Variants in LAMTOR5 observed in about 807,000 individuals in gnomAD.
LAMTOR5 encodes the protein late endosomal/lysosomal adaptor, MAPK and MTOR activator 5.
Under a neutral mutation model 12.1 loss-of-function variants are expected in LAMTOR5, and 8 were observed. The ratio of observed to expected loss-of-function variants is 0.66; its 90% CI spans 0.39 to 1.19. The LOEUF (loss-of-function observed/expected upper bound fraction) is 1.19. Among genes scored for constraint, LAMTOR5 ranks in the 50% most tolerant of loss-of-function variants. LAMTOR5 has a pLI of 0.01. For synonymous variants in LAMTOR5, 37 were observed against 41.9 expected, an observed-to-expected ratio of 0.88 and a Z score of 0.45; for missense variants, 110 against 112.8, an observed-to-expected ratio of 0.97 and a Z score of 0.11.
intron 1 of LAMTOR5, 127 bp downstream of exon 1, chr1:110,407,459 C>T (rs1663357518): frequency 2.4e-6 from 3 of 1,226,206 alleles, no homozygotes; most frequent in Non-Finnish European, 3.4e-6. Context: ...CCCCCTCATC[C>T]CGTGTCCCGG....
At chr1:110,407,494 C>G in intron 1 of LAMTOR5, 92 bp downstream of exon 1, 2 of 1,478,968 alleles carry the variant, frequency 1.4e-6, no homozygotes, top group Non-Finnish European at 1.8e-6. Context: ...CCCCGAGACG[C>G]CCTGGCCGGT....
chr1:110,402,977 A>G (rs1663257653), intron 3 of LAMTOR5, among the ~76,000 whole-genome samples: 1 of 152,160 alleles, frequency 6.6e-6, no homozygotes, highest in Non-Finnish European at 1.5e-5. Flanking sequence ...ATTTCCCTAT[A>G]CCATACTTTT....
chr1:110,401,719 A>G (rs1265942358), intron 3 of LAMTOR5, 136 bp from the exon 4 acceptor site: 3 of 916,916 alleles, frequency 3.3e-6, no homozygotes, highest in Non-Finnish European at 4.9e-6. Context: ...ATATTTAAAC[A>G]TAACAAAACA....
At chr1:110,403,779 T>C in intron 3 of LAMTOR5, 140 bp downstream of exon 3, 2 of 1,343,240 alleles carry the variant, frequency 1.5e-6, no homozygotes, top group South Asian at 3.1e-5. Context: ...AACTTGTCTG[T>C]TCCTGTGATT....
chr1:110,403,857 C>A, intron 3 of LAMTOR5, 62 bp downstream of exon 3: 1 of 1,598,486 alleles, frequency 6.3e-7, no homozygotes, highest in Non-Finnish European at 8.5e-7. Context: ...GGGCCGGCCC[C>A]CGCCAATTTT....
intron 3 of LAMTOR5, among the ~76,000 whole-genome samples, chr1:110,401,920 G>C (rs1398987311): frequency 6.6e-6 from 1 of 151,816 alleles, no homozygotes. Context: ...TCAGTAGCTG[G>C]AACTACAAAA....
intron 3 of LAMTOR5, 33 bp downstream of exon 3, chr1:110,403,886 C>T (rs759882046): frequency 1.2e-6 from 2 of 1,607,120 alleles, no homozygotes; most frequent in South Asian, 2.2e-5. Context: ...TTTTTCTGAA[C>T]AAAAAGGAAA....
rs958966601 is a variant in LAMTOR5 at position 110,401,530 on chromosome 1, G to A, written c.269C>T (p.Ala90Val). The change falls in exon 4 of 4, where the codon GCC becomes GTC. Residue 90 changes from alanine (A) to valine (V), a missense_variant. Transcript: ENST00000602318. ...DGITVAVHKM[A>V]S ...GAAGAACAGATATGAGCATCAAGAG[G>A]CCATTTTGTGCACTGCCACCGTGAT... 2.5e-6 allele frequency: 4 copies of A among 1,606,360 alleles called. No homozygotes were observed. In the African/African-American group the frequency reaches 4.0e-5, roughly 16 times the overall value.
At chr1:110,405,327 A>AT (rs913613639) in intron 2 of LAMTOR5, among the ~76,000 whole-genome samples, 3 of 149,908 alleles carry the variant, frequency 2.0e-5, no homozygotes, top group East Asian at 4.0e-4. Flanking sequence ...TGCCTGGCTA[A>AT]TTTTTTTTTG....
At chr1:110,403,852 G>A (rs1285954689) in intron 3 of LAMTOR5, 67 bp downstream of exon 3, 19 of 1,592,682 alleles carry the variant, frequency 1.2e-5, no homozygotes, top group Middle Eastern at 1.7e-4. Context: ...ACACAGGGCC[G>A]GCCCCCGCCA....
rs143658007 is a variant in LAMTOR5 at position 110,407,660 on chromosome 1, G to A, written c.-40C>T. 3.2e-5 allele frequency: 52 copies of A among 1,614,072 alleles called. No homozygotes were observed. Among genetic ancestry groups the A allele is most frequent in the South Asian group, 6.6e-5 (6 of 91,090 alleles). Reference sequence around the variant, plus strand: ...ACTCCGGCTCAGAACCCAGCGGCACGGCACGTCCTTCTCCACCACAGGCCT... The same window carrying A: ...ACTCCGGCTCAGAACCCAGCGGCACAGCACGTCCTTCTCCACCACAGGCCT... On this transcript the variant is annotated 5_prime_UTR_variant, in exon 1 of 4. Transcript: ENST00000602318.
At chr1:110,407,453 C>T (rs1164907790) in intron 1 of LAMTOR5, 133 bp downstream of exon 1, 2 of 1,175,854 alleles carry the variant, frequency 1.7e-6, no homozygotes, top group East Asian at 5.1e-5. Flanking sequence ...GTTTAGCCCC[C>T]TCATCCCGTG....
chr1:110,403,795 G>A (rs1663272350), intron 3 of LAMTOR5, 124 bp downstream of exon 3: 12 of 1,438,390 alleles, frequency 8.3e-6, no homozygotes, highest in Non-Finnish European at 1.1e-5. Context: ...TGATTCAAAA[G>A]ATTAAGAACT....
At chr1:110,404,150 AT>A in intron 2 of LAMTOR5, 114 bp from the exon 3 acceptor site, 7 of 1,437,238 alleles carry the variant, frequency 4.9e-6, no homozygotes, top group Non-Finnish European at 6.4e-6. Flanking sequence ...TAATGTCTGT[AT>A]TAGTCTGTAT....
upstream of LAMTOR5, chr1:110,407,795 G>C (rs754987480): frequency 1.2e-6 from 2 of 1,613,990 alleles, no homozygotes; most frequent in Non-Finnish European, 1.7e-6. Context: ...CTGCGCTTCC[G>C]TCGCACAGAG....
At position 110,406,333 on chromosome 1, in the gene LAMTOR5, C is replaced by T. The variant is rs202171079; in HGVS notation, c.82G>A (p.Gly28Arg). The T allele has an allele frequency of 3.1e-6, 5 of 1,607,132 alleles. No homozygotes were observed. The highest frequency in any genetic ancestry group is 2.7e-5 in the African/African-American group (2 of 74,678). ...AGATACTTACAACCCAGATTAAGTC[C>T]TTGTGAATCTGTGCACAGGACTCCA... Reference protein sequence around the residue: ...IVGVLCTDSQGLNLGCRGTLS... With the variant: ...IVGVLCTDSQRLNLGCRGTLS... The change falls in exon 2 of 4, where the codon GGA (glycine) becomes AGA (arginine). Residue 28 changes from glycine to arginine, a missense_variant. Coordinates refer to ENST00000602318, the MANE Select transcript of LAMTOR5 (RefSeq NM_001382293.1).
chr1:110,404,385 C>T (rs918578732), intron 2 of LAMTOR5, among the ~76,000 whole-genome samples: 8 of 152,232 alleles, frequency 5.3e-5, no homozygotes, highest in Admixed American at 2.0e-4. Flanking sequence ...ACGTTTGAGC[C>T]TTGAAGGTTT....
rs1415740955 is a variant in LAMTOR5 at position 110,407,689 on chromosome 1, T to C, written c.-69A>G. On this transcript the variant is annotated 5_prime_UTR_variant, in exon 1 of 4. Transcript: ENST00000602318. ...CGTCCTTCTCCACCACAGGCCTCAG[T>C]CACTTGACGCGAGCGGGGCGTGGAC... The C allele has an allele frequency of 1.9e-6, 3 of 1,614,050 alleles. No homozygotes were observed. The highest frequency in any genetic ancestry group is 2.5e-6 in the Non-Finnish European group (3 of 1,180,034).
Position 110,403,966 on chromosome 1 carries a change from G to A in LAMTOR5, c.168C>T (p.Thr56=). 1.9e-6 allele frequency: 3 copies of A among 1,614,224 alleles called. No homozygotes were observed. The highest frequency in any genetic ancestry group is 1.3e-5 in the African/African-American group (1 of 75,064). ...SVLAQQAAKL[T]SDPTDIPVVC... ...CCACAGGAATATCAGTGGGGTCAGA[G>A]GTTAGCTTAGCTGCTTGCTGGGCTA... The change falls in exon 3 of 4, where the codon ACC becomes ACT. Residue 56 remains threonine (T), a synonymous_variant. Transcript: ENST00000602318.
Sources: allele counts gnomAD v4.1 joint callset (sites outside exome capture counted in the v4.1 genomes callset), GRCh38; gene constraint gnomAD v4.1.1; transcripts MANE v1.5; gene names NCBI Gene and HGNC (gene_info 2026-07-23, HGNC 2026-07-21).